EDAR: variants seen among roughly 807,000 people sequenced by gnomAD.
EDAR encodes the protein tumor necrosis factor receptor superfamily member EDAR.
A neutral mutation model predicts 51.3 loss-of-function variants in EDAR; 38 were observed. The ratio of observed to expected loss-of-function variants is 0.74; its 90% confidence interval spans 0.57 to 0.97. EDAR has a LOEUF of 0.97. EDAR is among the 50% of genes least tolerant of loss of function. EDAR has a pLI of 0.00. For missense variants in EDAR, 528 were observed against 595.0 expected, an observed-to-expected ratio of 0.89 and a Z score of 1.17; for synonymous variants, 227 against 242.1, an observed-to-expected ratio of 0.94 and a Z score of 0.58.
In EDAR at chr2:108,930,133, T is replaced by C. The variant is rs970617259; in HGVS notation, c.161A>G (p.Glu54Gly). Residue 54 changes from glutamate (E) to glycine (G), a missense_variant, in exon 3 of 12, where the codon GAG becomes GGG. Glu to Gly is a moderately conservative substitution (Grantham distance 98). Transcript: ENST00000258443. ...CQECPPCGPG[E>G]EPYLSCGYGT... ...CTGGGTCCTTACCAGGTAGGGCTCC[T>C]CTCCCGGCCCACACGGGGGGCACTC... 1.1e-5 allele frequency: 18 copies of C among 1,613,718 alleles called. No homozygotes were observed. The highest frequency in any genetic ancestry group is 2.2e-5 in the East Asian group (1 of 44,846).
rs571016790 is a variant in EDAR at position 108,907,862 on chromosome 2, C to A, written c.961G>T (p.Gly321Trp). 1.2e-6 allele frequency: 2 copies of A among 1,613,480 alleles called. No individual in the cohort carries two copies. The highest frequency in any genetic ancestry group is 1.7e-6 in the Non-Finnish European group (2 of 1,180,004). The stretch of plus-strand genomic sequence containing the variant: ...CATGGCACCTGCAGGAGCCTCACCC[C>A]GGCTGACTTGTTGCTGGTGGCAGAC... ...EKSATSNKSA[G>W]IQSRRKKILD... The change falls in exon 10 of 12, where the codon GGG becomes TGG. Residue 321 changes from glycine to tryptophan, a missense_variant and splice_region_variant. Gly to Trp is a radical substitution (Grantham distance 184, BLOSUM62 -2). Transcript: ENST00000258443.
intron 1 of EDAR, among the ~76,000 whole-genome samples, chr2:108,986,358 A>G (rs1353785117): frequency 6.6e-6 from 1 of 152,084 alleles, no homozygotes; most frequent in Non-Finnish European, 1.5e-5. Flanking sequence ...GGCTGACACG[A>G]CCCTGGGAAA....
At chr2:108,925,916 G>A (rs1036388681) in intron 4 of EDAR, among the ~76,000 whole-genome samples, 9 of 152,222 alleles carry the variant, frequency 5.9e-5, no homozygotes, top group Non-Finnish European at 1.3e-4. Context: ...GAGCCTGACC[G>A]GTGATAAACT....
chr2:108,913,330 T>C (rs1468498170), intron 5 of EDAR, among the ~76,000 whole-genome samples: 1 of 152,094 alleles, frequency 6.6e-6, no homozygotes, highest in Non-Finnish European at 1.5e-5. Context: ...TTTGCAAGCC[T>C]CACCAACTCA....
chr2:108,983,791 A>G (rs989487996), intron 1 of EDAR, among the ~76,000 whole-genome samples: 1 of 152,214 alleles, frequency 6.6e-6, no homozygotes, highest in African/African-American at 2.4e-5. Flanking sequence ...CAGGTCTGGC[A>G]TGCTGGCCAA....
intron 1 of EDAR, among the ~76,000 whole-genome samples, chr2:108,950,275 CTT>C (rs1697799578): frequency 8.4e-6 from 1 of 119,192 alleles, no homozygotes. Flanking sequence ...CTTTTTCTTT[CTT>C]TCTTTTTTTT....
intron 1 of EDAR, among the ~76,000 whole-genome samples, chr2:108,957,021 C>T (rs1211950762): frequency 6.6e-6 from 1 of 152,222 alleles, no homozygotes; most frequent in African/African-American, 2.4e-5. Context: ...AACTCCCGAC[C>T]TCAGGTGATC....
chr2:108,929,357 T>A lies in EDAR; in HGVS notation c.197A>T (p.Asp66Val). 2 of 1,614,112 alleles carry A rather than the reference T, an allele frequency of 1.2e-6. No individual in the cohort carries two copies. Among genetic ancestry groups the A allele is most frequent in the Non-Finnish European group, 1.7e-6 (2 of 1,180,028 alleles). ...PYLSCGYGTK[D>V]EDYGCVPCPA... ...GCAGGGGACGCAGCCGTAGTCCTCG[T>A]CTTTGGTGCCGTAGCCACAGGACTG... Residue 66 changes from aspartate (D) to valine (V), a missense_variant, in exon 4 of 12, where the codon GAC becomes GTC. By Grantham distance (152) the Asp-to-Val change is radical. Transcript: ENST00000258443.
intron 1 of EDAR, among the ~76,000 whole-genome samples, chr2:108,960,073 G>T (rs1439246432): frequency 6.6e-6 from 1 of 152,170 alleles, no homozygotes; most frequent in African/African-American, 2.4e-5. Context: ...GGGAAGCTGG[G>T]TGCTGGCCTG....
chr2:108,934,293 C>T (rs1697426259), intron 1 of EDAR, among the ~76,000 whole-genome samples: 1 of 152,144 alleles, frequency 6.6e-6, no homozygotes, highest in Non-Finnish European at 1.5e-5. Context: ...ACTTCTCAGA[C>T]TGCAGATACA....
chr2:108,928,609 A>T (rs1030387368), intron 4 of EDAR, among the ~76,000 whole-genome samples: 1 of 152,178 alleles, frequency 6.6e-6, no homozygotes, highest in Non-Finnish European at 1.5e-5. Context: ...AGCAGCAATG[A>T]TCATGGCTCA....
chr2:108,930,014 T>C, intron 3 of EDAR, 106 bp downstream of exon 3: 1 of 1,391,042 alleles, frequency 7.2e-7, no homozygotes, highest in Non-Finnish European at 9.7e-7. Context: ...TGGTTTGATA[T>C]ACCCTGGCAT....
chr2:108,936,310 A>G (rs1366750961), intron 1 of EDAR, among the ~76,000 whole-genome samples: 3 of 152,182 alleles, frequency 2.0e-5, no homozygotes, highest in African/African-American at 7.2e-5. Context: ...CAGCGTGCTT[A>G]CCTGGCCTGG....
chr2:108,914,314 C>G (rs563403643), intron 5 of EDAR, among the ~76,000 whole-genome samples: 1 of 151,836 alleles, frequency 6.6e-6, no homozygotes, highest in South Asian at 2.1e-4. Flanking sequence ...AAAATAAGAA[C>G]ACAAGAAAGG....
At chr2:108,905,996 C>T (rs1260347965) in intron 11 of EDAR, among the ~76,000 whole-genome samples, 1 of 145,964 alleles carries the variant, frequency 6.9e-6, no homozygotes, top group Non-Finnish European at 1.5e-5. Context: ...TCTGGGGACA[C>T]GGGAGGTCTG....
chr2:108,932,870 G>T (rs551321066), intron 1 of EDAR, among the ~76,000 whole-genome samples: 4 of 152,218 alleles, frequency 2.6e-5, no homozygotes, highest in Non-Finnish European at 5.9e-5. Context: ...TTAACTTGTG[G>T]AACTAATCAG....
chr2:108,959,701 G>A (rs1470763336), intron 1 of EDAR, among the ~76,000 whole-genome samples: 1 of 152,204 alleles, frequency 6.6e-6, no homozygotes, highest in Non-Finnish European at 1.5e-5. Flanking sequence ...GCCGTGGGCA[G>A]TGGAGATTTC....
chr2:108,911,762 C>G (rs1045846942), intron 6 of EDAR, among the ~76,000 whole-genome samples: 1 of 152,084 alleles, frequency 6.6e-6, no homozygotes, highest in Non-Finnish European at 1.5e-5. Flanking sequence ...TGCCACCACC[C>G]AAATAGACAG....
intron 6 of EDAR, 64 bp from the exon 7 acceptor site, chr2:108,911,136 G>C: frequency 1.2e-6 from 2 of 1,604,614 alleles, no homozygotes; most frequent in Non-Finnish European, 1.7e-6. Context: ...TTCCCTCCAG[G>C]ACTCCGGCCC....
Sources: allele counts gnomAD v4.1 joint callset (sites outside exome capture counted in the v4.1 genomes callset), GRCh38; gene constraint gnomAD v4.1.1; transcripts MANE v1.5; gene names NCBI Gene and HGNC (gene_info 2026-07-23, HGNC 2026-07-21).